CA6: variants seen among roughly 807,000 people sequenced by gnomAD.
The protein encoded by CA6 is carbonate dehydratase VI.
A neutral mutation model predicts 35.9 loss-of-function variants in CA6; 28 were observed. The ratio of observed to expected loss-of-function variants is 0.78; its 90% CI spans 0.58 to 1.07. The LOEUF (loss-of-function observed/expected upper bound fraction) is 1.07. CA6 is among the 50% of genes least tolerant of loss of function. The pLI is 0.00. For missense variants in CA6, 377 were observed against 382.0 expected (o/e 0.99, Z 0.11); for synonymous variants, 148 against 152.6 (o/e 0.97, Z 0.22).
intron 2 of CA6, among the ~76,000 whole-genome samples, chr1:8,956,309 G>A (rs2124258609): frequency 6.6e-6 from 1 of 152,176 alleles, no homozygotes; most frequent in African/African-American, 2.4e-5. Context: ...ATTTTTCTTA[G>A]TCACTTTTCT....
At chr1:8,967,139 A>T (rs969119113) in intron 5 of CA6, among the ~76,000 whole-genome samples, 1 of 151,858 alleles carries the variant, frequency 6.6e-6, no homozygotes, top group Admixed American at 6.6e-5. Context: ...TGCATTTACA[A>T]CTGTTGTCTA....
chr1:8,964,834 G>A (rs1168538267), intron 5 of CA6, among the ~76,000 whole-genome samples: 1 of 152,154 alleles, frequency 6.6e-6, no homozygotes. Flanking sequence ...AGGGTGGTCT[G>A]GCGCGCCCCA....
intron 4 of CA6, among the ~76,000 whole-genome samples, chr1:8,959,848 C>T (rs1219005073): frequency 6.8e-6 from 1 of 146,848 alleles, no homozygotes; most frequent in East Asian, 2.0e-4. Flanking sequence ...AGGAGAATCA[C>T]TTGAACCCGG....
intron 3 of CA6, among the ~76,000 whole-genome samples, chr1:8,958,141 T>C (rs1639739888): frequency 6.6e-6 from 1 of 152,078 alleles, no homozygotes. Context: ...CTCCTTTGTT[T>C]CAGCTGGATT....
intron 2 of CA6, among the ~76,000 whole-genome samples, chr1:8,950,982 G>A (rs1639514905): frequency 1.3e-5 from 2 of 152,156 alleles, no homozygotes; most frequent in Admixed American, 6.5e-5. Context: ...TTGGGAGCCC[G>A]AGGCAGGCAG....
chr1:8,951,426 G>T (rs1455942403), intron 2 of CA6: 2 of 761,224 alleles, frequency 2.6e-6, no homozygotes, highest in Admixed American at 1.7e-5. Context: ...CTTCCAGATT[G>T]GCAGGCGGAA....
rs145884470 is a variant in CA6, at chr1:8,951,956, A to T, written c.259+2514A>T. On this transcript the variant is annotated intron_variant, in intron 2 of 7. Transcript: ENST00000377443. Reference sequence around the variant, plus strand: ...TGCCTCAGCTTCCCTGGTACCTGGGACTACAGGCATGTGCCACCACGCCCA... The same window carrying T: ...TGCCTCAGCTTCCCTGGTACCTGGGTCTACAGGCATGTGCCACCACGCCCA... 722 of 170,520 alleles carry T rather than the reference A, an allele frequency of 4.2e-3. 9 individuals carry two copies. Among genetic ancestry groups the T allele is most frequent in the African/African-American group, 0.017 (690 of 41,774 alleles). 10.6% of individuals were successfully genotyped at this position (170,520 alleles called of 1,614,324 possible). A position where few individuals can be genotyped will look rare whatever the true frequency, so the allele number is the denominator to read the frequency against.
At chr1:8,954,736 G>A (rs2124251740) in intron 2 of CA6, among the ~76,000 whole-genome samples, 1 of 151,686 alleles carries the variant, frequency 6.6e-6, no homozygotes, top group South Asian at 2.1e-4. Flanking sequence ...CCATATTTTT[G>A]GGTTATTTTT....
chr1:8,964,703 T>C, intron 5 of CA6, among the ~76,000 whole-genome samples: 1 of 152,160 alleles, frequency 6.6e-6, no homozygotes, highest in East Asian at 1.9e-4. Context: ...GAAAAGGTCA[T>C]AGAATAGTCC....
intron 4 of CA6, among the ~76,000 whole-genome samples, chr1:8,960,952 G>A (rs976040582): frequency 6.6e-6 from 1 of 152,052 alleles, no homozygotes; most frequent in Non-Finnish European, 1.5e-5. Context: ...TAAACCCCAA[G>A]TCTAGATACA....
At chr1:8,955,123 C>T (rs1256161544) in intron 2 of CA6, among the ~76,000 whole-genome samples, 1 of 151,746 alleles carries the variant, frequency 6.6e-6, no homozygotes, top group Non-Finnish European at 1.5e-5. Flanking sequence ...ACCTATAATC[C>T]CAGCACTTTG....
At position 8,953,474 on chromosome 1, in the gene CA6, C is replaced by T. The variant is rs940155007; in HGVS notation, c.260-3663C>T. Among the ~76,000 whole-genome samples, 87 of 152,074 alleles carry T rather than the reference C, an allele frequency of 5.7e-4. 1 individual carries two copies. Among genetic ancestry groups the T allele is most frequent in the Non-Finnish European group, 5.9e-5 (4 of 68,022 alleles). On this transcript the variant is annotated intron_variant, in intron 2 of 7. Transcript: ENST00000377443. ...CCTACGAAAGTAATAAAAAAATTAG[C>T]CTGGCATGGTGGCTCAAACATACAG...
At chr1:8,966,167 T>G (rs530260542) in intron 5 of CA6, among the ~76,000 whole-genome samples, 1 of 152,242 alleles carries the variant, frequency 6.6e-6, no homozygotes, top group African/African-American at 2.4e-5. Flanking sequence ...GGGAGTGCAG[T>G]GCCTTGATCT....
In CA6 at chr1:8,967,825, T is replaced by C; in HGVS notation, c.729+9T>C. The C allele has an allele frequency of 1.9e-6, 3 of 1,612,802 alleles. No homozygotes were observed. Among genetic ancestry groups the C allele is most frequent in the Non-Finnish European group, 2.5e-6 (3 of 1,179,378 alleles). ...AGCTCTCCAGGACACAGGTAATGTA[T>C]GGTATCACTTTGCCGAAGTCTTCCC... On this transcript the variant is annotated intron_variant, in intron 6 of 7. Transcript: ENST00000377443.
chr1:8,955,434 T>C (rs368243128), intron 2 of CA6, among the ~76,000 whole-genome samples: 205 of 152,284 alleles, frequency 1.3e-3, no homozygotes, highest in Admixed American at 3.8e-3. Flanking sequence ...TCTTTTCCAA[T>C]TGGGCCTGTG....
chr1:8,957,433 T>C (rs949688633), intron 3 of CA6, 148 bp downstream of exon 3: 1 of 690,970 alleles, frequency 1.4e-6, no homozygotes, highest in Non-Finnish European at 2.3e-6. Flanking sequence ...CTCCGCCTTC[T>C]GGGTTCAAGC....
chr1:8,957,411 G>C, intron 3 of CA6, 126 bp downstream of exon 3: 1 of 855,120 alleles, frequency 1.2e-6, no homozygotes, highest in African/African-American at 1.7e-5. Context: ...CACAATCTCA[G>C]CTCACTGCAA....
chr1:8,949,486 T>C (rs1472551625), intron 2 of CA6, 44 bp downstream of exon 2: 3 of 1,538,770 alleles, frequency 1.9e-6, no homozygotes, highest in Non-Finnish European at 2.7e-6. Flanking sequence ...ATGGGCAGCC[T>C]GCAGGGGAAG....
chr1:8,953,639 GTCAA>G (rs147727926), intron 2 of CA6, among the ~76,000 whole-genome samples: 4 of 151,100 alleles, frequency 2.6e-5, no homozygotes, highest in African/African-American at 7.3e-5. Flanking sequence ...CAATCAATCA[GTCAA>G]TCAATCAATC....
Sources: allele counts gnomAD v4.1 joint callset (sites outside exome capture counted in the v4.1 genomes callset), GRCh38; gene constraint gnomAD v4.1.1; transcripts MANE v1.5; gene names NCBI Gene and HGNC (gene_info 2026-07-23, HGNC 2026-07-21).